The following SLC8A1 variants were observed in gnomAD, a reference collection of about 807,000 sequenced individuals.
SLC8A1 encodes the protein solute carrier family 8 member A1, also known as sodium/calcium exchanger 1.
In SLC8A1, 18 loss-of-function variants were observed where a neutral mutation model predicts 68.3. The observed-to-expected ratio is 0.26, with a 90% CI of 0.18 to 0.39. The LOEUF (loss-of-function observed/expected upper bound fraction) is 0.39, where lower values mean the gene tolerates loss of function less well. SLC8A1 is among the 10% of genes least tolerant of loss of function. The pLI, the probability that SLC8A1 is intolerant of heterozygous loss-of-function variation, is 1.00. For missense variants in SLC8A1, 985 were observed against 1,156.7 expected, an observed-to-expected ratio of 0.85 and a Z score of 2.15; for synonymous variants, 475 against 415.5, an observed-to-expected ratio of 1.14 and a Z score of -1.74.
intron 2 of SLC8A1, among the ~76,000 whole-genome samples, chr2:40,372,608 A>G (rs1003049935): frequency 2.0e-5 from 3 of 151,934 alleles, no homozygotes; most frequent in Non-Finnish European, 1.5e-5. Flanking sequence ...TCCTTTCTCT[A>G]CTTCTTTTGG....
intron 2 of SLC8A1, chr2:40,250,284 A>G (rs1482901554): frequency 2.6e-5 from 4 of 152,202 alleles, no homozygotes; most frequent in Non-Finnish European, 2.9e-5. Flanking sequence ...ATTACTTAAC[A>G]TGTTTGAATT....
intron 2 of SLC8A1, among the ~76,000 whole-genome samples, chr2:40,360,385 A>T (rs935319998): frequency 1.3e-5 from 2 of 152,144 alleles, no homozygotes; most frequent in Non-Finnish European, 2.9e-5. Context: ...TTAAAAATAG[A>T]ATTAGGCATA....
At chr2:40,366,541 C>T (rs547020010) in intron 2 of SLC8A1, among the ~76,000 whole-genome samples, 1 of 152,102 alleles carries the variant, frequency 6.6e-6, no homozygotes, top group East Asian at 1.9e-4. Context: ...CTAACTTTAT[C>T]CTCACAAATA....
intron 2 of SLC8A1, among the ~76,000 whole-genome samples, chr2:40,342,249 A>G (rs1401983290): frequency 1.3e-5 from 2 of 152,176 alleles, no homozygotes; most frequent in Non-Finnish European, 2.9e-5. Flanking sequence ...TCTAAGATTT[A>G]TTAAATGGCC....
intron 1 of SLC8A1, among the ~76,000 whole-genome samples, chr2:40,491,369 T>C (rs1705306633): frequency 6.6e-6 from 1 of 152,140 alleles, no homozygotes; most frequent in African/African-American, 2.4e-5. Context: ...GCTTATCAGC[T>C]TAAGGAGATT....
At chr2:40,305,701 G>A (rs937293058) in intron 2 of SLC8A1, among the ~76,000 whole-genome samples, 11 of 152,158 alleles carry the variant, frequency 7.2e-5, no homozygotes, top group African/African-American at 2.4e-4. Flanking sequence ...ACATTCCAAA[G>A]ATTAGCATCT....
intron 2 of SLC8A1, among the ~76,000 whole-genome samples, chr2:40,216,028 A>C (rs1411168646): frequency 3.0e-5 from 2 of 66,728 alleles, no homozygotes; most frequent in African/African-American, 4.5e-5. Context: ...TTTTTTTACA[A>C]TTTTTTAAAA....
chr2:40,451,777 AC>A (rs1702560783), intron 1 of SLC8A1, 126 bp downstream of exon 1: 5 of 154,962 alleles, frequency 3.2e-5, no homozygotes, highest in African/African-American at 1.2e-4. Context: ...ACACACACAC[AC>A]ACACACAAAT....
chr2:40,245,871 T>G (rs1449822876), intron 2 of SLC8A1, among the ~76,000 whole-genome samples: 3 of 152,192 alleles, frequency 2.0e-5, no homozygotes, highest in African/African-American at 4.8e-5. Context: ...TTATATACAT[T>G]ACTTTCATTC....
chr2:40,216,655 CCAGTCTCTATTGTTTCTT>C (rs1298604204), intron 2 of SLC8A1, among the ~76,000 whole-genome samples: 1 of 152,166 alleles, frequency 6.6e-6, no homozygotes, highest in Non-Finnish European at 1.5e-5. Context: ...CATTGTGTCG[CCAGTCTCTATTGTTTCTT>C]GACTTTTTAA....
chr2:40,358,804 C>G (rs530121319), intron 2 of SLC8A1, among the ~76,000 whole-genome samples: 1 of 152,280 alleles, frequency 6.6e-6, no homozygotes, highest in East Asian at 1.9e-4. Context: ...TGATAAACAA[C>G]AACACTAATG....
rs185641101 is a variant in SLC8A1 at position 40,265,872 on chromosome 2, A to G, written c.1809-88017T>C. On this transcript the variant is annotated intron_variant, in intron 2 of 7. Coordinates refer to ENST00000406785, the Ensembl canonical transcript of SLC8A1. Reference sequence around the variant, plus strand: ...CCAGGCATAAAGAAAAAAAAAATCTACTAGCAGCCAAGGATATCTGGACAT... The same window carrying G: ...CCAGGCATAAAGAAAAAAAAAATCTGCTAGCAGCCAAGGATATCTGGACAT... 2.6e-5 allele frequency among the ~76,000 whole-genome samples: 4 copies of G among 152,282 alleles called. No homozygotes were observed. In the South Asian group the frequency reaches 6.2e-4, roughly 24 times the overall value.
At chr2:40,330,983 ACTTT>A (rs942379131) in intron 2 of SLC8A1, among the ~76,000 whole-genome samples, 2 of 152,222 alleles carry the variant, frequency 1.3e-5, no homozygotes, top group Admixed American at 6.5e-5. Context: ...GACAATAAAT[ACTTT>A]CTTTCTTCCA....
chr2:40,145,787 C>T (rs567520823), intron 6 of SLC8A1, among the ~76,000 whole-genome samples: 3 of 152,278 alleles, frequency 2.0e-5, no homozygotes, highest in Admixed American at 2.0e-4. Flanking sequence ...TATGTGACGC[C>T]ATAAGGGCCA....
At chr2:40,485,666 C>T (rs1265503445) in intron 1 of SLC8A1, among the ~76,000 whole-genome samples, 37 of 152,256 alleles carry the variant, frequency 2.4e-4, no homozygotes, top group South Asian at 6.2e-4. Context: ...ATGGAATACT[C>T]TTAAATATTT....
At chr2:40,339,541 G>C (rs751517294) in intron 2 of SLC8A1, among the ~76,000 whole-genome samples, 3 of 152,196 alleles carry the variant, frequency 2.0e-5, no homozygotes, top group Admixed American at 6.5e-5. Context: ...ATTGTGAAAA[G>C]ATAGTAACTG....
At chr2:40,423,058 T>C (rs1213072928) in intron 2 of SLC8A1, among the ~76,000 whole-genome samples, 3 of 152,152 alleles carry the variant, frequency 2.0e-5, no homozygotes, top group Non-Finnish European at 2.9e-5. Context: ...CAAAAAGGGT[T>C]CTACAAATAG....
chr2:40,293,737 T>A (rs529780658), intron 2 of SLC8A1, among the ~76,000 whole-genome samples: 2 of 152,276 alleles, frequency 1.3e-5, no homozygotes, highest in African/African-American at 4.8e-5. Context: ...TAGGTGCAAT[T>A]TGCTAGTGAC....
intron 1 of SLC8A1, among the ~76,000 whole-genome samples, chr2:40,448,750 G>A (rs927960291): frequency 6.6e-6 from 1 of 152,108 alleles, no homozygotes; most frequent in Non-Finnish European, 1.5e-5. Flanking sequence ...ATGAGGTATG[G>A]GAGGTTATGA....
Sources: allele counts gnomAD v4.1 joint callset (sites outside exome capture counted in the v4.1 genomes callset), GRCh38; gene constraint gnomAD v4.1.1; transcripts MANE v1.5; gene names NCBI Gene and HGNC (gene_info 2026-07-23, HGNC 2026-07-21).